The following MSRA variants were observed in gnomAD, a reference collection of about 807,000 sequenced individuals.
MSRA encodes mitochondrial peptide methionine sulfoxide reductase.
A neutral mutation model predicts 31.3 loss-of-function variants in MSRA; 54 were observed. That is an observed-to-expected ratio of 1.73 (90% CI 1.39 to 2.17). The LOEUF is 2.17. Among genes scored for constraint, MSRA ranks in the 30% most tolerant of loss-of-function variants. The pLI, the probability that MSRA is intolerant of heterozygous loss-of-function variation, is 0.00. For missense variants in MSRA, 507 were observed against 300.9 expected, an observed-to-expected ratio of 1.69 and a Z score of -5.07; for synonymous variants, 169 against 116.5, an observed-to-expected ratio of 1.45 and a Z score of -2.90.
intron 4 of MSRA, among the ~76,000 whole-genome samples, chr8:10,314,157 C>G (rs965564922): frequency 2.0e-5 from 3 of 151,896 alleles, no homozygotes; most frequent in Non-Finnish European, 4.4e-5. Flanking sequence ...TTAACTATAT[C>G]AAAATCTGAC....
intron 3 of MSRA, among the ~76,000 whole-genome samples, chr8:10,273,240 A>G (rs1187098036): frequency 6.6e-6 from 1 of 152,214 alleles, no homozygotes; most frequent in African/African-American, 2.4e-5. Flanking sequence ...GTATTCTTCC[A>G]ACTTATTCTA....
chr8:10,388,350 AG>A (rs1359211507), intron 5 of MSRA, among the ~76,000 whole-genome samples: 1 of 152,178 alleles, frequency 6.6e-6, no homozygotes, highest in Non-Finnish European at 1.5e-5. Flanking sequence ...CCTGGTACAG[AG>A]AGGGAGATGC....
intron 5 of MSRA, among the ~76,000 whole-genome samples, chr8:10,358,631 C>A (rs1484328315): frequency 2.6e-5 from 3 of 115,792 alleles, no homozygotes; most frequent in African/African-American, 1.1e-4. Context: ...CTCGCTCTGT[C>A]GCCCAGGCTG....
Position 10,269,886 on chromosome 8 carries a change from C to T in MSRA, c.331+24663C>T, listed in dbSNP as rs973466895. ...CAGGATGGTCTCGATCTCCTGACCT[C>T]GTGATCTGCCCACCTCAGCCTCCCA... is the stretch of plus-strand genomic sequence containing the variant. On this transcript the variant is annotated intron_variant, in intron 3 of 5. Coordinates refer to ENST00000317173, the MANE Select transcript of MSRA (RefSeq NM_012331.5). Among the ~76,000 whole-genome samples, 17 of 152,002 alleles carry T rather than the reference C, an allele frequency of 1.1e-4. 1 individual carries two copies. The highest frequency in any genetic ancestry group is 8.3e-4 in the South Asian group (4 of 4,812).
At chr8:10,169,963 T>C (rs574467473) in intron 1 of MSRA, among the ~76,000 whole-genome samples, 1 of 148,578 alleles carries the variant, frequency 6.7e-6, no homozygotes, top group South Asian at 2.2e-4. Context: ...TCACCCAGGC[T>C]AGAGTACAGT....
chr8:10,324,006 A>G (rs2129140247), intron 5 of MSRA, among the ~76,000 whole-genome samples: 1 of 152,160 alleles, frequency 6.6e-6, no homozygotes, highest in South Asian at 2.1e-4. Context: ...CCACTGGGAG[A>G]TGAGTTGAAA....
At chr8:10,425,916 G>A (rs3750310) in intron 5 of MSRA, among the ~76,000 whole-genome samples, 59,542 of 152,134 alleles carry the variant, frequency 0.39, 13,198 homozygotes, top group Non-Finnish European at 0.51. Flanking sequence ...CTTGGACCAG[G>A]AATGTCAGGC....
intron 4 of MSRA, among the ~76,000 whole-genome samples, chr8:10,312,625 T>G (rs145226944): frequency 6.6e-6 from 1 of 152,220 alleles, no homozygotes; most frequent in African/African-American, 2.4e-5. Flanking sequence ...ATCTTACTTA[T>G]GACTATATTT....
chr8:10,116,917 G>T (rs1800730457), intron 1 of MSRA, among the ~76,000 whole-genome samples: 1 of 152,188 alleles, frequency 6.6e-6, no homozygotes, highest in Admixed American at 6.5e-5. Flanking sequence ...GGTGAGCCAA[G>T]ATTGCGCCAT....
chr8:10,425,248 C>T (rs1404880240), intron 5 of MSRA, among the ~76,000 whole-genome samples: 2 of 152,234 alleles, frequency 1.3e-5, no homozygotes, highest in Non-Finnish European at 2.9e-5. Context: ...CCCGACAGGA[C>T]CCGTCCATGA....
intron 1 of MSRA, among the ~76,000 whole-genome samples, chr8:10,145,510 C>G (rs543549767): frequency 1.3e-5 from 2 of 152,220 alleles, no homozygotes; most frequent in East Asian, 3.9e-4. Context: ...TTTCTACTGC[C>G]CGGCCCTGCA....
intron 3 of MSRA, among the ~76,000 whole-genome samples, chr8:10,272,868 GTGAA>G (rs6150461): frequency 2.0e-5 from 3 of 152,048 alleles, no homozygotes; most frequent in African/African-American, 7.2e-5. Context: ...TATCTCTTAA[GTGAA>G]TGAATGAATG....
At chr8:10,275,299 G>A (rs1799264808) in intron 3 of MSRA, among the ~76,000 whole-genome samples, 1 of 152,154 alleles carries the variant, frequency 6.6e-6, no homozygotes, top group Non-Finnish European at 1.5e-5. Context: ...AAATCTTAAG[G>A]AACAGCTCTC....
At chr8:10,065,869 G>A (rs375974631) in intron 1 of MSRA, among the ~76,000 whole-genome samples, 20 of 151,978 alleles carry the variant, frequency 1.3e-4, no homozygotes, top group Admixed American at 8.5e-4. Context: ...TCTTGTCCCA[G>A]TGGCGCTAAG....
intron 1 of MSRA, among the ~76,000 whole-genome samples, chr8:10,141,559 G>A (rs1174000436): frequency 6.6e-6 from 1 of 152,174 alleles, no homozygotes. Context: ...AGAAGCCTTA[G>A]AGCTAAGCAT....
rs544652926 is a variant in MSRA at position 10,256,170 on chromosome 8, C to T, written c.331+10947C>T. Among the ~76,000 whole-genome samples, 22 of 152,256 alleles carry T rather than the reference C, an allele frequency of 1.4e-4. No homozygotes were observed. In the South Asian group the frequency reaches 3.1e-3, roughly 22 times the overall value. On this transcript the variant is annotated intron_variant, in intron 3 of 5. Transcript: ENST00000317173. ...AACCCCTGGCAACTGCTGATCTTTT[C>T]GGAGTCTTCATGTGTTTGCCTTTTT...
At chr8:10,238,887 G>A (rs955822270) in intron 2 of MSRA, among the ~76,000 whole-genome samples, 1 of 152,044 alleles carries the variant, frequency 6.6e-6, no homozygotes, top group African/African-American at 2.4e-5. Context: ...AATGATAAAG[G>A]AAAAGATAGA....
In MSRA at chr8:10,174,653, C is replaced by G. The variant is rs575902238; in HGVS notation, c.143-33180C>G. ...CACCCCTCTGGAGCAGACTCCCCAG[C>G]CTGTCTGCAGTCTTGTCCCCATCCG... On this transcript the variant is annotated intron_variant, in intron 1 of 5. Transcript: ENST00000317173. Among the ~76,000 whole-genome samples, 4 of 152,210 alleles carry G rather than the reference C, an allele frequency of 2.6e-5. No homozygotes were observed. The East Asian group carries it at 7.8e-4, about 30-fold the overall frequency.
At chr8:10,300,301 G>T (rs1044795715) in intron 3 of MSRA, among the ~76,000 whole-genome samples, 1 of 151,940 alleles carries the variant, frequency 6.6e-6, no homozygotes, top group Admixed American at 6.6e-5. Flanking sequence ...TGTTGCCAAG[G>T]CTGGAGTGCA....
Sources: allele counts gnomAD v4.1 joint callset (sites outside exome capture counted in the v4.1 genomes callset), GRCh38; gene constraint gnomAD v4.1.1; transcripts MANE v1.5; gene names NCBI Gene and HGNC (gene_info 2026-07-23, HGNC 2026-07-21).